The following DAB1 variants were observed in gnomAD, a reference collection of about 807,000 sequenced individuals.
DAB1 encodes the protein disabled homolog 1.
In DAB1, 15 loss-of-function variants were observed where a neutral mutation model predicts 64.6. That is an observed-to-expected ratio of 0.23 (90% CI 0.16 to 0.36). The LOEUF (loss-of-function observed/expected upper bound fraction) is 0.36, where lower values mean the gene tolerates loss of function less well. DAB1 is among the 10% of genes least tolerant of loss of function. The probability of loss-of-function intolerance (pLI) is 1.00; values close to 1 mark genes in which losing one functional copy is unlikely to be tolerated. For synonymous variants in DAB1, 235 were observed against 251.9 expected (o/e 0.93, Z 0.64); for missense variants, 596 against 706.7 (o/e 0.84, Z 1.78).
chr1:58,256,492 GAGAATTAGC>G (rs1338166401), intron 4 of DAB1, among the ~76,000 whole-genome samples: 1 of 152,240 alleles, frequency 6.6e-6, no homozygotes, highest in Non-Finnish European at 1.5e-5. Context: ...GGGTGCTTTA[GAGAATTAGC>G]AGATGTTAAA....
intron 5 of DAB1, chr1:58,049,414 T>C: frequency 2.3e-6 from 1 of 428,540 alleles, no homozygotes; most frequent in Non-Finnish European, 4.3e-6. Context: ...ATAATAATTA[T>C]GCTCAGAGTC....
chr1:58,330,073 C>A (rs1236970843), intron 4 of DAB1, among the ~76,000 whole-genome samples: 1 of 152,186 alleles, frequency 6.6e-6, no homozygotes, highest in Admixed American at 6.5e-5. Context: ...AGGTCTCTTG[C>A]ACCAAATGAT....
intron 4 of DAB1, among the ~76,000 whole-genome samples, chr1:57,085,135 A>G (rs1220689318): frequency 6.6e-6 from 1 of 152,198 alleles, no homozygotes; most frequent in Non-Finnish European, 1.5e-5. Flanking sequence ...TAGAGATGAG[A>G]AAACTGAGGT....
intron 4 of DAB1, among the ~76,000 whole-genome samples, chr1:58,193,353 G>A (rs531219298): frequency 1.3e-5 from 2 of 152,234 alleles, no homozygotes; most frequent in Non-Finnish European, 2.9e-5. Flanking sequence ...AGATGCCAGT[G>A]CCATGATTAT....
At chr1:57,456,548 A>T (rs1686599008) in intron 7 of DAB1, among the ~76,000 whole-genome samples, 1 of 152,192 alleles carries the variant, frequency 6.6e-6, no homozygotes. Context: ...TTTAATAGCC[A>T]GAGGACTGTG....
chr1:58,052,030 C>T (rs1029092508), intron 5 of DAB1, among the ~76,000 whole-genome samples: 12 of 152,150 alleles, frequency 7.9e-5, no homozygotes, highest in African/African-American at 2.4e-4. Context: ...TTTTGCCGTG[C>T]AGAAGCTCTT....
At chr1:57,752,029 A>T (rs1648578474) in intron 6 of DAB1, among the ~76,000 whole-genome samples, 1 of 152,174 alleles carries the variant, frequency 6.6e-6, no homozygotes, top group South Asian at 2.1e-4. Flanking sequence ...TAATCATTTT[A>T]TCCCTTGCCT....
chr1:58,401,323 TGC>T (rs1313396960), intron 3 of DAB1, among the ~76,000 whole-genome samples: 6 of 152,216 alleles, frequency 3.9e-5, no homozygotes, highest in African/African-American at 1.4e-4. Flanking sequence ...CTGGCTTCTT[TGC>T]TGTCTCTCAG....
chr1:57,292,975 C>T (rs1012041141), intron 1 of DAB1, among the ~76,000 whole-genome samples: 3 of 152,100 alleles, frequency 2.0e-5, no homozygotes, highest in Admixed American at 6.6e-5. Flanking sequence ...AGCTATGTTT[C>T]TGTCAAAAGG....
intron 1 of DAB1, among the ~76,000 whole-genome samples, chr1:57,847,940 C>T (rs1653360094): frequency 6.6e-6 from 1 of 152,080 alleles, no homozygotes; most frequent in Non-Finnish European, 1.5e-5. Context: ...AAGGCTATTA[C>T]AAAGTAGGAG....
intron 8 of DAB1, among the ~76,000 whole-genome samples, chr1:57,065,861 G>C (rs1334441804): frequency 6.6e-6 from 1 of 152,018 alleles, no homozygotes; most frequent in Non-Finnish European, 1.5e-5. Flanking sequence ...TTCTGAGGGT[G>C]AGGGCTGTGC....
intron 5 of DAB1, chr1:58,048,410 C>T (rs1458244885): frequency 2.8e-5 from 26 of 942,268 alleles, no homozygotes; most frequent in Non-Finnish European, 3.5e-5. Flanking sequence ...AAAGCTACCT[C>T]CACCTCTATT....
At chr1:57,521,355 A>G (rs1035872807) in intron 7 of DAB1, among the ~76,000 whole-genome samples, 1 of 152,190 alleles carries the variant, frequency 6.6e-6, no homozygotes, top group African/African-American at 2.4e-5. Context: ...CAATTCCACA[A>G]AAGAGGGAGG....
chr1:57,955,718 G>A (rs899169105), intron 5 of DAB1, among the ~76,000 whole-genome samples: 2 of 151,966 alleles, frequency 1.3e-5, no homozygotes, highest in Admixed American at 6.6e-5. Context: ...AAAATTATCT[G>A]ACTGCAAATT....
intron 1 of DAB1, among the ~76,000 whole-genome samples, chr1:58,532,582 C>A (rs991367870): frequency 1.3e-5 from 2 of 152,098 alleles, no homozygotes; most frequent in African/African-American, 4.8e-5. Context: ...GGCTAGAGTG[C>A]AGTGGTGCGA....
chr1:58,224,154 T>G (rs762269846), intron 4 of DAB1, among the ~76,000 whole-genome samples: 12 of 152,204 alleles, frequency 7.9e-5, no homozygotes, highest in Non-Finnish European at 1.8e-4. Context: ...TTCAAATCCT[T>G]GCTCTTCCAA....
rs1449143218 is a variant in DAB1, at chr1:57,868,207, G to A, written n.87+15792C>T. Among the ~76,000 whole-genome samples the A allele has an allele frequency of 4.6e-5, 7 of 152,190 alleles. 1 individual carries two copies. The highest frequency in any genetic ancestry group is 4.6e-4 in the Admixed American group (7 of 15,272). On this transcript the variant is annotated intron_variant and non_coding_transcript_variant, in intron 1 of 1. Transcript: ENST00000477280. The stretch of plus-strand genomic sequence containing the variant: ...CACTATTAATTTGATTAATAAGGAA[G>A]AAGCCATCTGACATTTCCTTTTGGT...
chr1:57,586,808 T>TA (rs34961960), intron 7 of DAB1, among the ~76,000 whole-genome samples: 130,713 of 141,238 alleles, frequency 0.93, 60,712 homozygotes, highest in East Asian at 0.99. Flanking sequence ...ATACTTTACT[T>TA]AAAAAAAAAA....
chr1:57,686,969 C>G (rs542824736), intron 6 of DAB1, among the ~76,000 whole-genome samples: 52 of 152,254 alleles, frequency 3.4e-4, no homozygotes, highest in African/African-American at 1.2e-3. Flanking sequence ...AAACCATTCC[C>G]CTTGAGAACT....
Sources: gnomAD v4.1 joint callset for allele counts (sites outside exome capture counted in the v4.1 genomes callset) on GRCh38, gnomAD v4.1.1 for gene constraint, MANE v1.5 for transcripts, NCBI Gene and HGNC (gene_info 2026-07-23, HGNC 2026-07-21) for gene names.